The following ST6GAL1 variants were observed in gnomAD, a reference collection of about 807,000 sequenced individuals.
ST6GAL1 encodes the protein beta-galactoside alpha-2,6-sialyltransferase 1.
A neutral mutation model predicts 38.0 loss-of-function variants in ST6GAL1; 20 were observed. The observed-to-expected ratio is 0.53, with a 90% CI of 0.37 to 0.77. The LOEUF (loss-of-function observed/expected upper bound fraction) is 0.77, where lower values mean the gene tolerates loss of function less well. Among genes scored for constraint, ST6GAL1 ranks in the 30% least tolerant of loss-of-function variants. The pLI, the probability that ST6GAL1 is intolerant of heterozygous loss-of-function variation, is 0.00. For synonymous variants in ST6GAL1, 196 were observed against 188.2 expected (o/e 1.04, Z -0.34); for missense variants, 432 against 496.4 (o/e 0.87, Z 1.23).
At chr3:187,026,816 C>T (rs1204982250) in intron 2 of ST6GAL1, among the ~76,000 whole-genome samples, 19 of 152,110 alleles carry the variant, frequency 1.2e-4, no homozygotes, top group African/African-American at 2.2e-4. Flanking sequence ...GAGGCCGAGG[C>T]GGGTGGATCA....
intron 3 of ST6GAL1, 22 bp from the exon 4 acceptor site, chr3:187,042,632 T>G: frequency 1.3e-6 from 2 of 1,529,070 alleles, no homozygotes. Flanking sequence ...TCATTTGTTT[T>G]TCCTTGTCTC....
At chr3:187,070,961 C>A (rs1042469267) in intron 5 of ST6GAL1, among the ~76,000 whole-genome samples, 1 of 152,214 alleles carries the variant, frequency 6.6e-6, no homozygotes, top group African/African-American at 2.4e-5. Flanking sequence ...AGAGTATATT[C>A]TTCAGGCTTC....
chr3:187,032,453 G>C (rs1197902131), intron 2 of ST6GAL1, among the ~76,000 whole-genome samples: 1 of 152,120 alleles, frequency 6.6e-6, no homozygotes, highest in Non-Finnish European at 1.5e-5. Context: ...CCAGGAGTAA[G>C]AGCTGTGAAC....
chr3:186,934,263 G>T (rs1392963223), intron 1 of ST6GAL1, among the ~76,000 whole-genome samples: 3 of 152,108 alleles, frequency 2.0e-5, no homozygotes, highest in Admixed American at 6.5e-5. Context: ...TGGGCCAGGT[G>T]TGGTGGCTCA....
intron 2 of ST6GAL1, among the ~76,000 whole-genome samples, chr3:186,971,869 G>A (rs1011740697): frequency 6.6e-6 from 1 of 152,226 alleles, no homozygotes; most frequent in Non-Finnish European, 1.5e-5. Context: ...CAGGAGGACT[G>A]TTTTCTCAGT....
intron 2 of ST6GAL1, among the ~76,000 whole-genome samples, chr3:186,990,725 A>C (rs1404202084): frequency 6.6e-6 from 1 of 150,930 alleles, no homozygotes; most frequent in African/African-American, 2.4e-5. Flanking sequence ...AAGCAGGAGA[A>C]TCGCTTGAAC....
chr3:187,055,459 C>T (rs190222055), intron 5 of ST6GAL1, among the ~76,000 whole-genome samples: 338 of 152,218 alleles, frequency 2.2e-3, no homozygotes, highest in Non-Finnish European at 3.7e-3. Context: ...ATAAATTTCC[C>T]TCTACACATG....
intron 1 of ST6GAL1, among the ~76,000 whole-genome samples, chr3:186,945,047 G>A (rs1471735057): frequency 1.3e-5 from 2 of 152,208 alleles, no homozygotes; most frequent in African/African-American, 4.8e-5. Flanking sequence ...GGCCAGGTGA[G>A]GTGGCTCATG....
chr3:187,013,930 G>T (rs1717040201), intron 2 of ST6GAL1, among the ~76,000 whole-genome samples: 1 of 152,174 alleles, frequency 6.6e-6, no homozygotes, highest in Non-Finnish European at 1.5e-5. Context: ...CTCGTGTTTA[G>T]CCAAAGATAA....
intron 1 of ST6GAL1, among the ~76,000 whole-genome samples, chr3:186,945,947 C>T (rs1416909731): frequency 2.8e-5 from 4 of 143,386 alleles, no homozygotes; most frequent in Non-Finnish European, 4.5e-5. Flanking sequence ...GCCGAGATCG[C>T]GCCACTGCAC....
chr3:187,075,988 C>A lies in ST6GAL1; in HGVS notation c.*185C>A, dbSNP rs1039699352. ...AAATCAGGTCCAGCCTTCCCTGTAG[C>A]CAGACAGTTTATGAGCCCAGAGCCT... On this transcript the variant is annotated 3_prime_UTR_variant, in exon 8 of 8. Coordinates refer to ENST00000169298, the MANE Select transcript of ST6GAL1 (RefSeq NM_173216.2). The surrounding 1 kb of genome is among the most constrained non-coding windows in gnomAD (Gnocchi z 4.1). The A allele has an allele frequency of 6.2e-5, 54 of 865,504 alleles. No homozygotes were observed. The Middle Eastern group carries it at 2.8e-3, about 45-fold the overall frequency. The allele number at this position is 865,504 out of a possible 1,614,324, so 53.6% of individuals were successfully genotyped here.
chr3:187,073,190 G>A (rs1228311441), intron 6 of ST6GAL1, among the ~76,000 whole-genome samples: 1 of 152,172 alleles, frequency 6.6e-6, no homozygotes, highest in Non-Finnish European at 1.5e-5. Context: ...TATTTACTGG[G>A]ATAGTGGCTG....
intron 5 of ST6GAL1, among the ~76,000 whole-genome samples, chr3:187,065,522 T>C (rs563828098): frequency 6.6e-6 from 1 of 152,310 alleles, no homozygotes; most frequent in South Asian, 2.1e-4. Context: ...AAAAATGATA[T>C]ATGTAAATGG....
intron 2 of ST6GAL1, among the ~76,000 whole-genome samples, chr3:187,005,412 A>G (rs995991416): frequency 2.0e-5 from 3 of 151,400 alleles, no homozygotes; most frequent in African/African-American, 7.3e-5. Flanking sequence ...GGTAGCTGGG[A>G]CTACAGGTGC....
intron 1 of ST6GAL1, among the ~76,000 whole-genome samples, chr3:186,962,007 A>G (rs928238106): frequency 1.4e-4 from 22 of 152,288 alleles, no homozygotes; most frequent in Non-Finnish European, 2.4e-4. Context: ...TCATTTCCCC[A>G]CAGTGACCCT....
intron 2 of ST6GAL1, among the ~76,000 whole-genome samples, chr3:186,969,106 C>T (rs1269472148): frequency 7.2e-6 from 1 of 138,866 alleles, no homozygotes; most frequent in Non-Finnish European, 1.5e-5. Flanking sequence ...GGCTGGAATG[C>T]AGTGGCGCAA....
chr3:187,058,449 G>A (rs1171344066), intron 5 of ST6GAL1, among the ~76,000 whole-genome samples: 1 of 152,170 alleles, frequency 6.6e-6, no homozygotes, highest in African/African-American at 2.4e-5. Context: ...TAACGGGATA[G>A]AAATTGAGGA....
At chr3:186,984,804 C>T (rs1560151111) in intron 2 of ST6GAL1, among the ~76,000 whole-genome samples, 53 of 31,950 alleles carry the variant, frequency 1.7e-3, no homozygotes, top group Non-Finnish European at 2.1e-3. Context: ...TCCTTCCTTC[C>T]ATCCTTCCTT....
chr3:187,012,441 A>G (rs1244530951), intron 2 of ST6GAL1, among the ~76,000 whole-genome samples: 3 of 152,020 alleles, frequency 2.0e-5, no homozygotes, highest in Non-Finnish European at 2.9e-5. Flanking sequence ...TATTTCCAGT[A>G]CAGACGGGGT....
Sources: gnomAD v4.1 joint callset for allele counts (sites outside exome capture counted in the v4.1 genomes callset) on GRCh38, gnomAD v4.1.1 for gene constraint, Gnocchi (gnomAD v3.1) non-coding constraint, MANE v1.5 for transcripts, NCBI Gene and HGNC (gene_info 2026-07-23, HGNC 2026-07-21) for gene names.